Variants in BMPER observed in about 807,000 individuals in gnomAD.
BMPER encodes BMP-binding endothelial regulator protein.
BMPER carries 45 observed loss-of-function variants against 87.3 expected under a neutral mutation model. The ratio of observed to expected loss-of-function variants is 0.52; its 90% CI spans 0.41 to 0.66. The LOEUF (loss-of-function observed/expected upper bound fraction) is 0.66, where lower values mean the gene tolerates loss of function less well. Among genes scored for constraint, BMPER ranks in the 30% least tolerant of loss-of-function variants. BMPER has a pLI of 0.00. For missense variants in BMPER, 784 were observed against 867.5 expected (o/e 0.90, Z 1.21); for synonymous variants, 326 against 316.2 (o/e 1.03, Z -0.33).
chr7:33,905,837 T>TGCCCGGGGGTTGGGGGGGGG, intron 1 of BMPER, 91 bp downstream of exon 1: 1 of 409,726 alleles, frequency 2.4e-6, no homozygotes, highest in Non-Finnish European at 4.8e-6. Flanking sequence ...GATGGGAGGG[T>TGCCCGGGGGTTGGGGGGGGG]GGGGAGCGCG....
intron 14 of BMPER, among the ~76,000 whole-genome samples, chr7:34,150,487 C>G (rs1416219899): frequency 1.3e-5 from 2 of 152,140 alleles, no homozygotes; most frequent in Non-Finnish European, 2.9e-5. Context: ...TTTGTGACCA[C>G]CATTAGTCCA....
At chr7:34,122,894 T>A (rs1790298400) in intron 13 of BMPER, among the ~76,000 whole-genome samples, 1 of 152,222 alleles carries the variant, frequency 6.6e-6, no homozygotes, top group African/African-American at 2.4e-5. Context: ...GGGGAAGATA[T>A]AATGCTCTTC....
At chr7:34,067,005 A>G (rs1362721309) in intron 11 of BMPER, among the ~76,000 whole-genome samples, 4 of 152,216 alleles carry the variant, frequency 2.6e-5, no homozygotes, top group Admixed American at 1.3e-4. Context: ...AGACCTAACC[A>G]TCAGAATCCC....
chr7:34,099,793 A>G (rs1789628401), intron 13 of BMPER, among the ~76,000 whole-genome samples: 1 of 152,204 alleles, frequency 6.6e-6, no homozygotes, highest in Admixed American at 6.5e-5. Flanking sequence ...ACAGTTTCTA[A>G]AGAAAGAAAC....
chr7:34,031,995 A>ATATG (rs1554307622), intron 6 of BMPER, among the ~76,000 whole-genome samples: 10 of 140,346 alleles, frequency 7.1e-5, no homozygotes, highest in African/African-American at 2.1e-4. Flanking sequence ...ATAAATATAT[A>ATATG]TGTGTGTGTG....
intron 6 of BMPER, among the ~76,000 whole-genome samples, chr7:33,989,448 C>A (rs1262277876): frequency 1.3e-5 from 2 of 152,084 alleles, no homozygotes; most frequent in Non-Finnish European, 2.9e-5. Context: ...CCTTCGCCCA[C>A]TTTTTGATAG....
chr7:34,136,098 G>A (rs1486630650), intron 13 of BMPER, among the ~76,000 whole-genome samples: 1 of 152,176 alleles, frequency 6.6e-6, no homozygotes, highest in Non-Finnish European at 1.5e-5. Flanking sequence ...AAGCCAGCAT[G>A]GACAGTAGCC....
chr7:34,144,998 G>A (rs547427708), intron 14 of BMPER, among the ~76,000 whole-genome samples: 106 of 152,288 alleles, frequency 7.0e-4, no homozygotes, highest in Non-Finnish European at 1.2e-3. Context: ...CAGACATTGC[G>A]TTCACTTAGA....
chr7:34,143,369 G>T lies in BMPER; in HGVS notation c.1876+9G>T. ...TCAGCAGAATTGTGCAGGTAAGAAA[G>T]TCCTGCTGGATCTACCCATCAAAAG... On this transcript the variant is annotated intron_variant, in intron 14 of 14. Coordinates refer to ENST00000649409, the MANE Select transcript of BMPER (RefSeq NM_001365308.1). 2 of 1,613,740 alleles carry T rather than the reference G, an allele frequency of 1.2e-6. No individual in the cohort carries two copies. The highest frequency in any genetic ancestry group is 1.7e-6 in the Non-Finnish European group (2 of 1,179,808).
intron 6 of BMPER, among the ~76,000 whole-genome samples, chr7:33,984,140 C>A (rs1452940994): frequency 6.6e-6 from 1 of 152,128 alleles, no homozygotes; most frequent in Admixed American, 6.5e-5. Context: ...CAGAGCCACC[C>A]TTATTGCCTC....
chr7:34,131,590 G>A (rs1790591349), intron 13 of BMPER, among the ~76,000 whole-genome samples: 1 of 152,190 alleles, frequency 6.6e-6, no homozygotes, highest in Non-Finnish European at 1.5e-5. Flanking sequence ...CAGGGGGCTG[G>A]TGGTGACTGC....
At chr7:33,975,953 A>G (rs112499274) in intron 6 of BMPER, among the ~76,000 whole-genome samples, 1,780 of 152,082 alleles carry the variant, frequency 0.012, 13 homozygotes, top group Non-Finnish European at 0.017. Context: ...AAAGGAAGGG[A>G]GGGAGGAAGA....
At chr7:33,957,391 G>C (rs1278732653) in intron 3 of BMPER, among the ~76,000 whole-genome samples, 1 of 150,490 alleles carries the variant, frequency 6.6e-6, no homozygotes, top group Non-Finnish European at 1.5e-5. Flanking sequence ...TAATATTCTG[G>C]AATAACAAAA....
rs73112316 is a variant in BMPER, at chr7:34,091,597, A to G, written c.1745+5505A>G. On this transcript the variant is annotated intron_variant, in intron 13 of 14. Transcript: ENST00000649409. The stretch of plus-strand genomic sequence containing the variant: ...TTTTTAATTCACCGTGTCTACAAAC[A>G]CAATGAACATCCCTGCCTCTGAGTT... 7.6e-3 allele frequency among the ~76,000 whole-genome samples: 1,164 copies of G among 152,350 alleles called. 4 individuals carry two copies. Among genetic ancestry groups the G allele is most frequent in the Non-Finnish European group, 0.013 (880 of 68,036 alleles).
At chr7:34,049,515 A>G (rs895249037) in intron 7 of BMPER, among the ~76,000 whole-genome samples, 14 of 152,316 alleles carry the variant, frequency 9.2e-5, no homozygotes, top group African/African-American at 3.4e-4. Flanking sequence ...GCAACAGGCT[A>G]TGGGAATGCA....
chr7:34,102,501 C>G (rs1191519131), intron 13 of BMPER, among the ~76,000 whole-genome samples: 2 of 152,168 alleles, frequency 1.3e-5, no homozygotes, highest in African/African-American at 4.8e-5. Context: ...CGCTGCTGTT[C>G]TGGGGACCAC....
intron 6 of BMPER, among the ~76,000 whole-genome samples, chr7:34,019,200 A>G (rs1225884691): frequency 1.3e-5 from 2 of 152,036 alleles, no homozygotes; most frequent in Non-Finnish European, 2.9e-5. Flanking sequence ...GAAAGAGAAC[A>G]TTCCTTTCTT....
intron 6 of BMPER, among the ~76,000 whole-genome samples, chr7:34,045,523 G>A (rs1787938426): frequency 6.6e-6 from 1 of 152,142 alleles, no homozygotes; most frequent in Non-Finnish European, 1.5e-5. Flanking sequence ...TCAAGAATGA[G>A]AATGAGGGGG....
intron 2 of BMPER, among the ~76,000 whole-genome samples, chr7:33,911,004 CAG>C (rs938731223): frequency 1.3e-5 from 2 of 152,118 alleles, no homozygotes; most frequent in African/African-American, 4.8e-5. Context: ...ACGTGTGAAA[CAG>C]AGAGAGAGAA....
Sources: gnomAD v4.1 joint callset for allele counts (sites outside exome capture counted in the v4.1 genomes callset) on GRCh38, gnomAD v4.1.1 for gene constraint, MANE v1.5 for transcripts, NCBI Gene and HGNC (gene_info 2026-07-23, HGNC 2026-07-21) for gene names.